Variants in RIN2 observed in about 807,000 individuals in gnomAD.
RIN2 encodes the protein RAB5 interacting protein 2.
RIN2 carries 36 observed loss-of-function variants against 78.0 expected under a neutral mutation model. The ratio of observed to expected loss-of-function variants is 0.46; its 90% CI spans 0.35 to 0.61. RIN2 has a LOEUF of 0.61. Among genes scored for constraint, RIN2 ranks in the 20% least tolerant of loss-of-function variants. RIN2 has a pLI of 0.00. For synonymous variants in RIN2, 466 were observed against 466.8 expected (o/e 1.00, Z 0.02); for missense variants, 1,087 against 1,159.7 (o/e 0.94, Z 0.91).
intron 2 of RIN2, among the ~76,000 whole-genome samples, chr20:19,817,920 A>G (rs2035812010): frequency 6.6e-6 from 1 of 152,248 alleles, no homozygotes; most frequent in South Asian, 2.1e-4. Context: ...GAATTAAAAT[A>G]ACGGTGAAGT....
chr20:19,766,139 G>A (rs927315411), intron 1 of RIN2, among the ~76,000 whole-genome samples: 1 of 152,126 alleles, frequency 6.6e-6, no homozygotes, highest in Non-Finnish European at 1.5e-5. Flanking sequence ...CATGGATGGG[G>A]CACCCACCCA....
intron 2 of RIN2, among the ~76,000 whole-genome samples, chr20:19,808,269 C>T (rs1043511478): frequency 1.3e-5 from 2 of 152,212 alleles, no homozygotes; most frequent in Non-Finnish European, 1.5e-5. Flanking sequence ...AGTCACAGGC[C>T]GCCCCTCTCC....
intron 6 of RIN2, among the ~76,000 whole-genome samples, chr20:19,961,579 G>A (rs182171980): frequency 6.8e-5 from 10 of 146,368 alleles, no homozygotes; most frequent in South Asian, 4.2e-4. Context: ...CTTGCTTCCC[G>A]ATTTCCCAGC....
intron 1 of RIN2, among the ~76,000 whole-genome samples, chr20:19,773,572 T>C (rs1221322155): frequency 6.6e-6 from 1 of 152,100 alleles, no homozygotes; most frequent in Non-Finnish European, 1.5e-5. Context: ...AGCTGAAGGC[T>C]TAAAGAAAGG....
At chr20:19,776,182 G>A (rs907982088) in intron 1 of RIN2, among the ~76,000 whole-genome samples, 1 of 152,178 alleles carries the variant, frequency 6.6e-6, no homozygotes, top group African/African-American at 2.4e-5. Context: ...GATGGGAAGT[G>A]GGAGTCGGAC....
Position 19,975,140 on chromosome 20 carries a change from G to C in RIN2, c.1115G>C (p.Gly372Ala). 6.2e-7 allele frequency: 1 copy of C among 1,613,170 alleles called. No individual in the cohort carries two copies. The highest frequency in any genetic ancestry group is 8.5e-7 in the Non-Finnish European group (1 of 1,179,884). ...CAGGCTTCTTTTCTGGAAGCAGAGG[G>C]CGGTGCAAAGACCTTGAGCGGCGGC... is the stretch of plus-strand genomic sequence containing the variant. ...KKQASFLEAE[G>A]GAKTLSGGRP... Residue 372 changes from glycine to alanine, a missense_variant, in exon 9 of 13, where the codon GGC becomes GCC. Physicochemically the swap from Gly to Ala is moderately conservative, Grantham distance 60. Transcript: ENST00000255006. The surrounding 1 kb of genome is among the most constrained non-coding windows in gnomAD (Gnocchi z 4.9).
intron 1 of RIN2, among the ~76,000 whole-genome samples, chr20:19,782,267 C>G (rs1023964928): frequency 2.6e-5 from 4 of 152,146 alleles, no homozygotes; most frequent in African/African-American, 9.7e-5. Flanking sequence ...GCATGAGATA[C>G]GTATTTTAAA....
intron 3 of RIN2, among the ~76,000 whole-genome samples, chr20:19,912,021 T>A (rs1328614051): frequency 6.6e-6 from 1 of 152,234 alleles, no homozygotes; most frequent in Non-Finnish European, 1.5e-5. Context: ...CAGGTTTTAC[T>A]TCCTGGCCCT....
At chr20:19,802,043 C>T (rs993068090) in intron 2 of RIN2, among the ~76,000 whole-genome samples, 6 of 152,008 alleles carry the variant, frequency 3.9e-5, no homozygotes, top group Admixed American at 3.3e-4. Flanking sequence ...TTAGGTTATC[C>T]GAGCAAAAAA....
At chr20:19,820,758 G>T (rs2035902649) in intron 2 of RIN2, among the ~76,000 whole-genome samples, 3 of 152,138 alleles carry the variant, frequency 2.0e-5, no homozygotes, top group Admixed American at 2.0e-4. Flanking sequence ...CTCCCTCAGG[G>T]TTTCTGATGC....
At chr20:19,954,004 T>C (rs2041431568) in intron 4 of RIN2, among the ~76,000 whole-genome samples, 1 of 152,192 alleles carries the variant, frequency 6.6e-6, no homozygotes, top group Admixed American at 6.5e-5. Context: ...AGATAAATCT[T>C]GAATGAATGA....
chr20:19,894,469 C>T (rs1412404785), intron 3 of RIN2, among the ~76,000 whole-genome samples: 1 of 152,200 alleles, frequency 6.6e-6, no homozygotes, highest in African/African-American at 2.4e-5. Context: ...CCAGGCTGGC[C>T]TCAAACTCCT....
At chr20:19,909,284 T>G (rs1252819953) in intron 3 of RIN2, among the ~76,000 whole-genome samples, 1 of 152,166 alleles carries the variant, frequency 6.6e-6, no homozygotes, top group African/African-American at 2.4e-5. Flanking sequence ...CGTCCCATCA[T>G]TCACCCCACA....
At chr20:19,991,063 T>C (rs412010) in intron 10 of RIN2, among the ~76,000 whole-genome samples, 109,063 of 151,866 alleles carry the variant, frequency 0.72, 39,438 homozygotes, top group East Asian at 0.82. Flanking sequence ...ATTGTAATTC[T>C]GAAGACGATT....
chr20:19,781,267 G>A (rs1044701692), intron 1 of RIN2, among the ~76,000 whole-genome samples: 7 of 152,190 alleles, frequency 4.6e-5, no homozygotes, highest in African/African-American at 1.7e-4. Context: ...TAGAAGACAC[G>A]TGGATGGATG....
intron 2 of RIN2, chr20:19,886,613 T>TTTTTTTTTTTTTTTTTTTTTTTC: frequency 2.2e-5 from 1 of 45,902 alleles, no homozygotes; most frequent in African/African-American, 1.3e-4. Context: ...CTTCTTCTTC[T>TTTTTTTTTTTTTTTTTTTTTTTC]TTTTTTTTTT....
In RIN2 at chr20:20,002,307, G is replaced by C. The variant is rs1032813242; in HGVS notation, c.*1371G>C. 1 of 152,568 alleles carries C rather than the reference G, an allele frequency of 6.6e-6. No homozygotes were observed. Among genetic ancestry groups the C allele is most frequent in the Non-Finnish European group, 1.5e-5 (1 of 68,022 alleles). The allele number at this position is 152,568 out of a possible 1,614,324, so 9.5% of individuals were successfully genotyped here. ...TCTCATTTGGTTGGCTTTGTACCTTGTACCTTTTTTAGCCTTGGCTTTTGT... is the reference window on the plus strand; with the variant it reads ...TCTCATTTGGTTGGCTTTGTACCTTCTACCTTTTTTAGCCTTGGCTTTTGT... On this transcript the variant is annotated 3_prime_UTR_variant, in exon 13 of 13. Coordinates refer to ENST00000255006, the MANE Select transcript of RIN2 (RefSeq NM_018993.4).
chr20:19,920,841 T>G (rs1428486210), intron 3 of RIN2, among the ~76,000 whole-genome samples: 1 of 152,074 alleles, frequency 6.6e-6, no homozygotes, highest in Non-Finnish European at 1.5e-5. Context: ...TCCAGCTAAT[T>G]TTTGTATTTT....
chr20:19,776,483 GC>G (rs141831203), intron 1 of RIN2, among the ~76,000 whole-genome samples: 1,875 of 152,254 alleles, frequency 0.012, 40 homozygotes, highest in East Asian at 0.089. Flanking sequence ...TGTAATCCTA[GC>G]CCTTTGGGAG....
Sources: gnomAD v4.1 joint callset for allele counts (sites outside exome capture counted in the v4.1 genomes callset) on GRCh38, gnomAD v4.1.1 for gene constraint, Gnocchi (gnomAD v3.1) non-coding constraint, MANE v1.5 for transcripts, NCBI Gene and HGNC (gene_info 2026-07-23, HGNC 2026-07-21) for gene names.